RALYL: variants seen among roughly 807,000 people sequenced by gnomAD.
The protein encoded by RALYL is RALY RNA binding protein like, also known as RNA-binding Raly-like protein.
A neutral mutation model predicts 35.1 loss-of-function variants in RALYL; 29 were observed. That is an observed-to-expected ratio of 0.83 (90% CI 0.61 to 1.13). RALYL has a LOEUF of 1.13. Among genes scored for constraint, RALYL ranks in the 50% most tolerant of loss-of-function variants. RALYL has a pLI of 0.00. For synonymous variants in RALYL, 120 were observed against 127.6 expected, an observed-to-expected ratio of 0.94 and a Z score of 0.40; for missense variants, 359 against 360.4, an observed-to-expected ratio of 1.00 and a Z score of 0.03.
chr8:84,226,272 A>AC (rs1278124994), intron 1 of RALYL, among the ~76,000 whole-genome samples: 2 of 152,060 alleles, frequency 1.3e-5, no homozygotes, highest in East Asian at 3.9e-4. Flanking sequence ...CCCCATCTAT[A>AC]CCCCACTAAA....
At chr8:84,410,709 CAAA>C (rs1201528604) in intron 1 of RALYL, among the ~76,000 whole-genome samples, 2 of 151,140 alleles carry the variant, frequency 1.3e-5, no homozygotes, top group Non-Finnish European at 3.0e-5. Context: ...TTAAATAAAA[CAAA>C]AAAAGATTTA....
chr8:84,671,830 C>T (rs571587789), intron 2 of RALYL, among the ~76,000 whole-genome samples: 1 of 152,308 alleles, frequency 6.6e-6, no homozygotes, highest in African/African-American at 2.4e-5. Context: ...GCCCTGGAAA[C>T]ATTTTCCCCA....
chr8:84,727,284 G>A (rs538461896), intron 2 of RALYL, among the ~76,000 whole-genome samples: 1 of 152,022 alleles, frequency 6.6e-6, no homozygotes, highest in African/African-American at 2.4e-5. Flanking sequence ...CATCTTAGCT[G>A]ATCTTCACAA....
At chr8:84,826,055 A>G (rs1195267090) in intron 4 of RALYL, among the ~76,000 whole-genome samples, 1 of 151,952 alleles carries the variant, frequency 6.6e-6, no homozygotes, top group African/African-American at 2.4e-5. Context: ...TGCAGGAACA[A>G]AAAAAATATA....
intron 2 of RALYL, among the ~76,000 whole-genome samples, chr8:84,535,160 A>G (rs117931729): frequency 1.3e-5 from 2 of 152,210 alleles, no homozygotes; most frequent in Non-Finnish European, 1.5e-5. Flanking sequence ...AAATAATATT[A>G]GTATTTACGC....
intron 1 of RALYL, among the ~76,000 whole-genome samples, chr8:84,523,917 G>A (rs1052839116): frequency 6.6e-6 from 1 of 151,872 alleles, no homozygotes; most frequent in Non-Finnish European, 1.5e-5. Context: ...GTCTATCATT[G>A]TTGGACATTT....
chr8:84,681,213 T>G (rs1286563385), intron 2 of RALYL, among the ~76,000 whole-genome samples: 1 of 152,188 alleles, frequency 6.6e-6, no homozygotes, highest in Non-Finnish European at 1.5e-5. Context: ...GGTCTATATC[T>G]CTGTTTTGGT....
At chr8:84,298,779 G>A (rs1264115684) in intron 1 of RALYL, among the ~76,000 whole-genome samples, 2 of 151,822 alleles carry the variant, frequency 1.3e-5, no homozygotes, top group African/African-American at 2.4e-5. Flanking sequence ...CGCCTCCCTG[G>A]TTAGCTGTTT....
intron 2 of RALYL, among the ~76,000 whole-genome samples, chr8:84,568,804 A>T (rs1382179022): frequency 1.4e-5 from 2 of 147,616 alleles, no homozygotes; most frequent in African/African-American, 5.0e-5. Flanking sequence ...ATGGCCAGTG[A>T]TGATGAGCAT....
chr8:84,895,614 G>A (rs1844621183), intron 8 of RALYL, among the ~76,000 whole-genome samples: 1 of 152,130 alleles, frequency 6.6e-6, no homozygotes, highest in African/African-American at 2.4e-5. Flanking sequence ...CCAAGTTCAA[G>A]CAATTCTCCT....
Position 84,263,555 on chromosome 8 carries a change from G to T in RALYL, c.-24+79131G>T, listed in dbSNP as rs79830941. Among the ~76,000 whole-genome samples, 249 of 152,170 alleles carry T rather than the reference G, an allele frequency of 1.6e-3. 6 individuals carry two copies. In the East Asian group the frequency reaches 0.044, roughly 27 times the overall value. On this transcript the variant is annotated intron_variant, in intron 1 of 8. Transcript: ENST00000521268. ...AAAAATCTGTAGTTGTTAACCAAAGGTTAATCTATTAGGTTAGTATTGAAG... is the reference window on the plus strand; with the variant it reads ...AAAAATCTGTAGTTGTTAACCAAAGTTTAATCTATTAGGTTAGTATTGAAG...
intron 5 of RALYL, among the ~76,000 whole-genome samples, chr8:84,861,284 G>A (rs926061791): frequency 5.9e-5 from 9 of 152,128 alleles, no homozygotes; most frequent in Non-Finnish European, 1.2e-4. Context: ...TCATGAAAAT[G>A]AGGAAATGTA....
At chr8:84,342,861 T>G (rs906542196) in intron 1 of RALYL, among the ~76,000 whole-genome samples, 3 of 152,052 alleles carry the variant, frequency 2.0e-5, no homozygotes, top group African/African-American at 7.2e-5. Flanking sequence ...AGTGGACAAG[T>G]AGAACTCCTG....
chr8:84,595,272 T>C (rs1324403956), intron 2 of RALYL, among the ~76,000 whole-genome samples: 3 of 152,184 alleles, frequency 2.0e-5, no homozygotes, highest in African/African-American at 7.2e-5. Flanking sequence ...TGAACACAAT[T>C]ACTTGTGTTG....
chr8:84,395,815 A>G (rs17785011), intron 1 of RALYL, among the ~76,000 whole-genome samples: 6,234 of 151,986 alleles, frequency 0.041, 158 homozygotes, highest in Middle Eastern at 0.054. Context: ...AATTCCCAGA[A>G]TGAGAAATGT....
At chr8:84,595,509 C>T (rs1036755074) in intron 2 of RALYL, among the ~76,000 whole-genome samples, 33 of 152,092 alleles carry the variant, frequency 2.2e-4, no homozygotes, top group Admixed American at 1.4e-3. Flanking sequence ...ATTCTGGCAG[C>T]AGCACTTAAA....
Position 84,896,639 on chromosome 8 carries a change from G to A in RALYL, c.858+8863G>A, listed in dbSNP as rs1844791022. ...ACCACATCAGCTCTGTAGTTTCCAG[G>A]CACACACTGCTCAGCTCCTGTTTCA... On this transcript the variant is annotated intron_variant, in intron 8 of 8. Coordinates refer to ENST00000521268, the MANE Select transcript of RALYL (RefSeq NM_173848.7). Among the ~76,000 whole-genome samples, 4 of 152,216 alleles carry A rather than the reference G, an allele frequency of 2.6e-5. No individual in the cohort carries two copies. The South Asian group carries it at 8.3e-4, about 32-fold the overall frequency.
chr8:84,835,415 G>C (rs111899347), intron 4 of RALYL, among the ~76,000 whole-genome samples: 7,970 of 149,386 alleles, frequency 0.053, 685 homozygotes, highest in African/African-American at 0.19. Context: ...CGCCTGTAAT[G>C]CCAGCACTTT....
At chr8:84,582,427 A>G (rs958049269) in intron 2 of RALYL, among the ~76,000 whole-genome samples, 2 of 152,104 alleles carry the variant, frequency 1.3e-5, no homozygotes, top group Non-Finnish European at 2.9e-5. Context: ...GAAACGCTCT[A>G]TCAGGCTGGT....
Sources: gnomAD v4.1 joint callset for allele counts (sites outside exome capture counted in the v4.1 genomes callset) on GRCh38, gnomAD v4.1.1 for gene constraint, MANE v1.5 for transcripts, NCBI Gene and HGNC (gene_info 2026-07-23, HGNC 2026-07-21) for gene names.